Variants in CSMD3 observed in about 807,000 individuals in gnomAD.
CSMD3 encodes CUB and Sushi multiple domains 3.
CSMD3 carries 177 observed loss-of-function variants against 435.2 expected under a neutral mutation model. That is an observed-to-expected ratio of 0.41 (90% CI 0.36 to 0.46). The LOEUF (loss-of-function observed/expected upper bound fraction) is 0.46. Among genes scored for constraint, CSMD3 ranks in the 20% least tolerant of loss-of-function variants. The probability of loss-of-function intolerance (pLI) is 0.34; values close to 1 mark genes in which losing one functional copy is unlikely to be tolerated. For missense variants in CSMD3, 4,265 were observed against 4,504.6 expected (o/e 0.95, Z 1.52); for synonymous variants, 1,656 against 1,520.5 (o/e 1.09, Z -2.07).
intron 13 of CSMD3, among the ~76,000 whole-genome samples, chr8:112,695,973 T>A (rs1032445524): frequency 1.3e-5 from 2 of 152,188 alleles, no homozygotes; most frequent in African/African-American, 4.8e-5. Context: ...GAACTCCCAT[T>A]CACAATTGCT....
chr8:113,247,734 C>G (rs2132278625), intron 3 of CSMD3, among the ~76,000 whole-genome samples: 1 of 152,160 alleles, frequency 6.6e-6, no homozygotes, highest in South Asian at 2.1e-4. Context: ...AAGACAGATT[C>G]TTAAACTGCT....
intron 13 of CSMD3, among the ~76,000 whole-genome samples, chr8:112,702,304 A>G (rs1268386394): frequency 6.6e-6 from 1 of 152,104 alleles, no homozygotes; most frequent in Non-Finnish European, 1.5e-5. Context: ...CCTCTCTCAG[A>G]GCCTAATATT....
chr8:112,876,373 CAA>C (rs35536672), intron 10 of CSMD3, among the ~76,000 whole-genome samples: 4 of 151,664 alleles, frequency 2.6e-5, no homozygotes, highest in African/African-American at 9.7e-5. Flanking sequence ...AGAGACACAA[CAA>C]AAAAAAAGAA....
At chr8:112,716,507 T>A (rs1213308453) in intron 13 of CSMD3, among the ~76,000 whole-genome samples, 1 of 152,150 alleles carries the variant, frequency 6.6e-6, no homozygotes, top group Non-Finnish European at 1.5e-5. Context: ...CCCAAAGTAA[T>A]TTATAAATTC....
At chr8:112,271,432 G>A (rs1817524650) in intron 59 of CSMD3, among the ~76,000 whole-genome samples, 1 of 152,104 alleles carries the variant, frequency 6.6e-6, no homozygotes, top group Non-Finnish European at 1.5e-5. Context: ...TATCACCAAT[G>A]TTCTACTTAT....
chr8:113,243,352 T>C, intron 3 of CSMD3, among the ~76,000 whole-genome samples: 1 of 152,126 alleles, frequency 6.6e-6, no homozygotes, highest in East Asian at 1.9e-4. Context: ...TTTATTTTCA[T>C]CAGTATATTT....
At chr8:112,774,877 G>C (rs187577344) in intron 13 of CSMD3, among the ~76,000 whole-genome samples, 1 of 151,986 alleles carries the variant, frequency 6.6e-6, no homozygotes, top group Non-Finnish European at 1.5e-5. Flanking sequence ...TAATACAACT[G>C]ATTGCTTAAA....
At chr8:112,302,222 T>C (rs2130762183) in intron 52 of CSMD3, among the ~76,000 whole-genome samples, 1 of 151,330 alleles carries the variant, frequency 6.6e-6, no homozygotes, top group South Asian at 2.1e-4. Context: ...CATTTTTTTT[T>C]TTTTTGCATT....
intron 24 of CSMD3, among the ~76,000 whole-genome samples, chr8:112,564,021 A>T (rs78147948): frequency 0.012 from 1,852 of 152,122 alleles, 37 homozygotes; most frequent in African/African-American, 0.043. Flanking sequence ...TAATCACCAC[A>T]CTTTTAAACT....
intron 5 of CSMD3, among the ~76,000 whole-genome samples, chr8:113,080,952 T>C (rs190021799): frequency 2.6e-5 from 4 of 152,308 alleles, no homozygotes; most frequent in East Asian, 3.9e-4. Context: ...TTAGATAGAA[T>C]TGGAAATTTA....
chr8:112,276,819 ACAC>A (rs1215006875), intron 59 of CSMD3, among the ~76,000 whole-genome samples: 1 of 152,074 alleles, frequency 6.6e-6, no homozygotes, highest in Non-Finnish European at 1.5e-5. Context: ...TGCAGCCTCA[ACAC>A]CACATGGAAG....
intron 1 of CSMD3, among the ~76,000 whole-genome samples, chr8:113,336,337 A>C (rs2094074884): frequency 6.6e-6 from 1 of 152,042 alleles, no homozygotes; most frequent in African/African-American, 2.4e-5. Context: ...AAAATGTATT[A>C]AGTGTGCCTG....
intron 27 of CSMD3, among the ~76,000 whole-genome samples, chr8:112,540,477 C>T (rs1826559781): frequency 6.6e-6 from 1 of 151,990 alleles, no homozygotes; most frequent in African/African-American, 2.4e-5. Context: ...GAGATAGCTG[C>T]ACGTGCATGT....
intron 59 of CSMD3, among the ~76,000 whole-genome samples, chr8:112,269,231 T>C (rs1224344941): frequency 1.3e-5 from 2 of 152,202 alleles, no homozygotes; most frequent in Non-Finnish European, 2.9e-5. Context: ...CCCATCTTCC[T>C]GATCTGTCCT....
intron 4 of CSMD3, among the ~76,000 whole-genome samples, chr8:113,123,097 GT>G (rs11318316): frequency 0.68 from 103,409 of 151,896 alleles, 37,019 homozygotes; most frequent in East Asian, 0.95. Context: ...AGAAATGCCA[GT>G]TAACTATTGT....
chr8:112,252,736 A>G (rs993751007), intron 63 of CSMD3, among the ~76,000 whole-genome samples: 1 of 149,366 alleles, frequency 6.7e-6, no homozygotes, highest in South Asian at 2.1e-4. Context: ...ATATGCATGT[A>G]AGAAAGCCAA....
intron 53 of CSMD3, among the ~76,000 whole-genome samples, chr8:112,298,048 C>T (rs895774375): frequency 4.8e-5 from 2 of 41,754 alleles, no homozygotes; most frequent in Non-Finnish European, 1.1e-4. Flanking sequence ...GCTAAAAATA[C>T]AAAATGTTGC....
intron 9 of CSMD3, among the ~76,000 whole-genome samples, chr8:112,936,690 C>T (rs189448401): frequency 5.3e-5 from 8 of 152,066 alleles, no homozygotes; most frequent in African/African-American, 1.7e-4. Context: ...TCTTGGTATA[C>T]CCAAAATATT....
intron 9 of CSMD3, among the ~76,000 whole-genome samples, chr8:112,938,897 A>C (rs1381333333): frequency 6.6e-6 from 1 of 152,088 alleles, no homozygotes; most frequent in East Asian, 1.9e-4. Context: ...TAAGTATAGG[A>C]ACTTCTGGTA....
Sources: allele counts gnomAD v4.1 joint callset (sites outside exome capture counted in the v4.1 genomes callset), GRCh38; gene constraint gnomAD v4.1.1; transcripts MANE v1.5; gene names NCBI Gene and HGNC (gene_info 2026-07-23, HGNC 2026-07-21).